The following C1orf141 variants were observed in gnomAD, a reference collection of about 807,000 sequenced individuals.
The protein encoded by C1orf141 is chromosome 1 open reading frame 141.
A neutral mutation model predicts 23.2 loss-of-function variants in C1orf141; 19 were observed. The observed-to-expected ratio is 0.82, with a 90% CI of 0.57 to 1.20. The LOEUF (loss-of-function observed/expected upper bound fraction) is 1.20. Ranked by LOEUF, C1orf141 falls within the 50% of genes most tolerant of loss-of-function variation. The probability of loss-of-function intolerance (pLI) is 0.00; values close to 1 mark genes in which losing one functional copy is unlikely to be tolerated. For synonymous variants in C1orf141, 153 were observed against 154.6 expected (o/e 0.99, Z 0.08); for missense variants, 469 against 455.1 (o/e 1.03, Z -0.28).
At chr1:67,119,928 G>A (rs1051672332) in intron 4 of C1orf141, among the ~76,000 whole-genome samples, 3 of 152,218 alleles carry the variant, frequency 2.0e-5, no homozygotes, top group African/African-American at 4.8e-5. Context: ...AGGGGACAGG[G>A]CTGCCTCCAC....
At chr1:67,096,112 C>A in intron 6 of C1orf141, 140 bp downstream of exon 6, 1 of 489,304 alleles carries the variant, frequency 2.0e-6, no homozygotes, top group Non-Finnish European at 3.7e-6. Context: ...AGTGGCTAAG[C>A]AGTCTTGGAC....
chr1:67,096,508 G>A (rs994469730), intron 5 of C1orf141, among the ~76,000 whole-genome samples, 187 bp from the exon 6 acceptor site: 8 of 152,142 alleles, frequency 5.3e-5, no homozygotes, highest in Admixed American at 1.3e-4. Flanking sequence ...GACTGAGATC[G>A]AAGCCCTAGT....
upstream of C1orf141, among the ~76,000 whole-genome samples, chr1:67,136,066 T>C (rs887949235): frequency 6.6e-6 from 1 of 152,202 alleles, no homozygotes; most frequent in African/African-American, 2.4e-5. Flanking sequence ...TTGATTCTTT[T>C]CTGTTGCCCA....
intron 5 of C1orf141, chr1:67,103,367 G>T: frequency 5.7e-6 from 8 of 1,393,220 alleles, no homozygotes; most frequent in Non-Finnish European, 7.6e-6. Context: ...ACATTCAAAG[G>T]CCCTGCATTT....
intron 4 of C1orf141, chr1:67,122,018 G>GA (rs1646309922): frequency 2.6e-5 from 4 of 152,164 alleles, no homozygotes; most frequent in Admixed American, 1.3e-4. Context: ...TGAAATTAGA[G>GA]AAATATAAAA....
intron 2 of C1orf141, among the ~76,000 whole-genome samples, chr1:67,130,469 AC>A (rs1232026829): frequency 7.9e-5 from 12 of 152,124 alleles, no homozygotes; most frequent in Non-Finnish European, 1.6e-4. Flanking sequence ...ACTTTTAGTC[AC>A]CCCATCTTCA....
At chr1:67,123,989 G>T (rs967916877) in intron 4 of C1orf141, 2 of 152,164 alleles carry the variant, frequency 1.3e-5, no homozygotes, top group African/African-American at 4.8e-5. Context: ...CCCAAAGCTT[G>T]CAGGCATCCT....
intron 3 of C1orf141, 92 bp from the exon 4 acceptor site, chr1:67,126,001 T>G (rs907740986): frequency 6.3e-5 from 74 of 1,183,152 alleles, no homozygotes; most frequent in Non-Finnish European, 8.0e-5. Flanking sequence ...AATCTCACTT[T>G]ACACACACAC....
At chr1:67,111,638 A>C in intron 5 of C1orf141, 1 of 1,378,210 alleles carries the variant, frequency 7.3e-7, no homozygotes, top group Non-Finnish European at 9.7e-7. Context: ...ATGTTCTTCT[A>C]CTGGCTCTAA....
In C1orf141 at chr1:67,095,332, T is replaced by C. The variant is rs777619648; in HGVS notation, c.506A>G (p.Lys169Arg). The change falls in exon 7 of 8, where the codon AAG becomes AGG. Residue 169 changes from lysine to arginine, a missense_variant. Lys to Arg is a conservative substitution (Grantham distance 26). This residue lies in a region of C1orf141 where 370 missense variants were observed against 348.1 expected (regional missense o/e 1.06). Transcript: ENST00000684719. ...AAAGCACAACGGGAGCAAGCTTTTC[T>C]TTCTTACTGACCTATACTTACTTAA... is the stretch of plus-strand genomic sequence containing the variant. ...YQLSKYRSVR[K>R]KSLLPLCFED... 2 of 1,597,276 alleles carry C rather than the reference T, an allele frequency of 1.3e-6. No individual in the cohort carries two copies. Among genetic ancestry groups the C allele is most frequent in the Non-Finnish European group, 1.7e-6 (2 of 1,166,016 alleles).
chr1:67,096,351 CACATAGAT>C (rs1645681302), intron 5 of C1orf141, 30 bp from the exon 6 acceptor site: 5 of 1,101,382 alleles, frequency 4.5e-6, no homozygotes, highest in Non-Finnish European at 6.7e-6. Flanking sequence ...TCATAAAAGA[CACATAGAT>C]ATTCTGACAT....
At position 67,131,143 on chromosome 1, in the gene C1orf141, TGTAA is replaced by T. The variant is rs954789779; in HGVS notation, c.-23_-20del. ...TGGGCTGGGCGCAGTGGCTCATACC[TGTAA>T]TCCCAGCACTTTGGGAGGCTGAGGC... On this transcript the variant is annotated splice_region_variant and 5_prime_UTR_variant, in exon 2 of 8. It removes the in-frame stop codon of an upstream open reading frame in the 5' UTR. Transcript: ENST00000684719. The T allele has an allele frequency of 6.6e-6, 1 of 152,330 alleles. No homozygotes were observed. Among genetic ancestry groups the T allele is most frequent in the African/African-American group, 2.4e-5 (1 of 41,444 alleles). The allele number at this position is 152,330 out of a possible 1,614,324, so 9.4% of individuals were successfully genotyped here. A position where few individuals can be genotyped will look rare whatever the true frequency, so the allele number is the denominator to read the frequency against.
At chr1:67,099,465 C>G (rs1011095030) in intron 5 of C1orf141, among the ~76,000 whole-genome samples, 4 of 152,162 alleles carry the variant, frequency 2.6e-5, no homozygotes, top group African/African-American at 9.7e-5. Flanking sequence ...CTAACACATG[C>G]TCTTCAGGAA....
chr1:67,118,062 C>G (rs1173889649), intron 4 of C1orf141, among the ~76,000 whole-genome samples: 1 of 152,144 alleles, frequency 6.6e-6, no homozygotes, highest in Non-Finnish European at 1.5e-5. Context: ...CTGAAATTTA[C>G]TCCACTTAGT....
rs537531658 is a variant in C1orf141, at chr1:67,123,389, G to A, written c.233+2363C>T. On this transcript the variant is annotated intron_variant, in intron 4 of 7. Transcript: ENST00000684719. ...TAAGTATTATACATTTGATTTATAAGATTAGTTATACACAAATCCTGTCCT... is the reference window on the plus strand; with the variant it reads ...TAAGTATTATACATTTGATTTATAAAATTAGTTATACACAAATCCTGTCCT... 1.3e-4 allele frequency: 20 copies of A among 152,144 alleles called. No individual in the cohort carries two copies. The South Asian group carries it at 1.9e-3, about 14-fold the overall frequency. 9.4% of individuals were successfully genotyped at this position (152,144 alleles called of 1,614,324 possible).
In C1orf141 at chr1:67,096,261, C is replaced by T. The variant is rs755533394; in HGVS notation, c.407G>A (p.Arg136Lys). 11 of 1,471,300 alleles carry T rather than the reference C, an allele frequency of 7.5e-6. No homozygotes were observed. The African/African-American group carries it at 1.6e-4, about 21-fold the overall frequency. 91.1% of individuals were successfully genotyped at this position (1,471,300 alleles called of 1,614,324 possible). A position where few individuals can be genotyped will look rare whatever the true frequency, so the allele number is the denominator to read the frequency against. ...LDSVGLLEGD[R>K]NKRKKSPQMN... Reference sequence around the variant, plus strand: ...TTTTAAAATAAATTACCTTTTATTTCTATCACCTTCTAAGAGACCAACAGA... The same window carrying T: ...TTTTAAAATAAATTACCTTTTATTTTTATCACCTTCTAAGAGACCAACAGA... The change falls in exon 6 of 8, where the codon AGA becomes AAA. Residue 136 changes from arginine to lysine, a missense_variant. Arg to Lys is a conservative substitution (Grantham distance 26). Coordinates refer to ENST00000684719, the MANE Select transcript of C1orf141 (RefSeq NM_001276351.2).
chr1:67,093,371 A>G lies in C1orf141; in HGVS notation c.837T>C (p.Asp279=). The G allele has an allele frequency of 1.2e-6, 2 of 1,613,856 alleles. No individual in the cohort carries two copies. The highest frequency in any genetic ancestry group is 1.7e-6 in the Non-Finnish European group (2 of 1,179,834). ...CTTTAAAAGACATAGGGATCTGTAT[A>G]TCTTTTCTCTGTACTGTAGGCATAG... ...QKTMPTVQRK[D]IQIPMSFKAG... is the part of the protein sequence containing the mutation. The change falls in exon 8 of 8, where the codon GAT becomes GAC. Residue 279 remains aspartate (D), a synonymous_variant. Transcript: ENST00000684719.
At chr1:67,113,618 G>T (rs1646126929) in intron 5 of C1orf141, 1 of 785,232 alleles carries the variant, frequency 1.3e-6, no homozygotes, top group Admixed American at 3.5e-5. Flanking sequence ...ACTTGCCTTG[G>T]CATCTCAAAG....
intron 7 of C1orf141, 112 bp from the exon 8 acceptor site, chr1:67,093,716 CA>C: frequency 1.3e-6 from 1 of 778,390 alleles, no homozygotes; most frequent in Non-Finnish European, 1.9e-6. Context: ...TGACTACATA[CA>C]AATATTTAAT....
Sources: allele counts gnomAD v4.1 joint callset (sites outside exome capture counted in the v4.1 genomes callset), GRCh38; gene constraint gnomAD v4.1.1; regional missense constraint gnomAD v4.1.1; transcripts MANE v1.5; gene names NCBI Gene and HGNC (gene_info 2026-07-23, HGNC 2026-07-21).